MGAT4C: variants seen among roughly 807,000 people sequenced by gnomAD.
The protein encoded by MGAT4C is MGAT4 family member C, also known as alpha-1,3-mannosyl-glycoprotein 4-beta-N-acetylglucosaminyltransferase C.
In MGAT4C, 19 loss-of-function variants were observed where a neutral mutation model predicts 40.1. That is an observed-to-expected ratio of 0.47 (90% CI 0.33 to 0.70). The LOEUF (loss-of-function observed/expected upper bound fraction) is 0.70, where lower values mean the gene tolerates loss of function less well. Among genes scored for constraint, MGAT4C ranks in the 30% least tolerant of loss-of-function variants. The pLI is 0.02. For missense variants in MGAT4C, 491 were observed against 563.2 expected (o/e 0.87, Z 1.30); for synonymous variants, 181 against 187.1 (o/e 0.97, Z 0.27).
chr12:86,188,830 A>G (rs184065139), intron 1 of MGAT4C, among the ~76,000 whole-genome samples: 13 of 152,132 alleles, frequency 8.5e-5, no homozygotes, highest in Admixed American at 8.5e-4. Flanking sequence ...TAATAAAATT[A>G]CTTAATGAAT....
chr12:86,401,779 G>A (rs1339833999), intron 3 of MGAT4C, among the ~76,000 whole-genome samples: 1 of 151,980 alleles, frequency 6.6e-6, no homozygotes, highest in African/African-American at 2.4e-5. Flanking sequence ...AGTTTTACTA[G>A]TTTCAAATAT....
At chr12:86,001,581 T>A (rs755060619) in intron 2 of MGAT4C, 94 of 951,130 alleles carry the variant, frequency 9.9e-5, no homozygotes, top group Non-Finnish European at 1.1e-4. Context: ...AAATGATAAG[T>A]CTGTTGAAGC....
At chr12:86,166,883 C>T (rs1054555048) in intron 1 of MGAT4C, among the ~76,000 whole-genome samples, 3 of 152,010 alleles carry the variant, frequency 2.0e-5, no homozygotes, top group South Asian at 2.1e-4. Context: ...CATATTAACA[C>T]GATAAAGTAA....
chr12:86,172,706 A>G lies in MGAT4C; in HGVS notation c.-57+83533T>C, dbSNP rs73382803. ...GCTAAGGGTATAAATTAGAGTTTCA[A>G]CTCAGAGCAAAGAGACCACTTTACA... On this transcript the variant is annotated intron_variant, in intron 1 of 4. Transcript: ENST00000611864. 3.2e-3 allele frequency among the ~76,000 whole-genome samples: 493 copies of G among 152,182 alleles called. 2 individuals carry two copies. The highest frequency in any genetic ancestry group is 0.012 in the African/African-American group (480 of 41,556).
intron 1 of MGAT4C, among the ~76,000 whole-genome samples, chr12:86,240,031 AAAAAAAAT>A (rs1228046955): frequency 0.043 from 3,107 of 72,720 alleles, 40 homozygotes; most frequent in Admixed American, 0.13. Flanking sequence ...TATAATAAAA[AAAAAAAAT>A]AAAAAATAAA....
chr12:86,037,054 T>C (rs1891308229), intron 2 of MGAT4C, among the ~76,000 whole-genome samples: 1 of 150,244 alleles, frequency 6.7e-6, no homozygotes, highest in South Asian at 2.1e-4. Context: ...CCATTTCTTC[T>C]AGATTTTCTA....
In MGAT4C at chr12:85,959,062, C is replaced by CAAT. The variant is rs1194990617; in HGVS notation, c.*20224_*20226dup. 6.6e-6 allele frequency: 1 copy of CAAT among 151,800 alleles called. No homozygotes were observed. The allele number at this position is 151,800 out of a possible 1,614,324, so 9.4% of individuals were successfully genotyped here. A position where few individuals can be genotyped will look rare whatever the true frequency, so the allele number is the denominator to read the frequency against. The stretch of plus-strand genomic sequence containing the variant: ...CAATACAATACAATACAATACAATA[C>CAAT]AATACAATACAATACAATACAATAC... On this transcript the variant is annotated 3_prime_UTR_variant, in exon 5 of 5. Transcript: ENST00000611864.
chr12:86,118,082 C>A (rs1878728592), intron 1 of MGAT4C, among the ~76,000 whole-genome samples: 2 of 152,138 alleles, frequency 1.3e-5, no homozygotes, highest in Admixed American at 1.3e-4. Flanking sequence ...CTTCAAATAA[C>A]TAGAAGAAAA....
chr12:86,786,361 ATAG>A (rs1951931743), intron 1 of MGAT4C, among the ~76,000 whole-genome samples: 1 of 152,136 alleles, frequency 6.6e-6, no homozygotes, highest in Non-Finnish European at 1.5e-5. Flanking sequence ...AACAAAAGAA[ATAG>A]TAGAAATTGA....
intron 3 of MGAT4C, among the ~76,000 whole-genome samples, chr12:86,410,702 T>C (rs577178961): frequency 6.6e-6 from 1 of 152,286 alleles, no homozygotes; most frequent in East Asian, 1.9e-4. Context: ...TAAGAAATTA[T>C]GAGAGTATTA....
At chr12:86,149,798 A>G (rs1884039870) in intron 1 of MGAT4C, among the ~76,000 whole-genome samples, 1 of 152,228 alleles carries the variant, frequency 6.6e-6, no homozygotes. Context: ...TTCAAATACA[A>G]CATTATGAAG....
intron 1 of MGAT4C, among the ~76,000 whole-genome samples, chr12:86,741,269 T>C (rs1431715219): frequency 6.6e-6 from 1 of 151,304 alleles, no homozygotes; most frequent in East Asian, 1.9e-4. Flanking sequence ...AAAAACAATT[T>C]AAAATAAAGA....
intron 1 of MGAT4C, among the ~76,000 whole-genome samples, chr12:86,774,667 C>T (rs914314793): frequency 6.6e-6 from 1 of 151,976 alleles, no homozygotes; most frequent in Non-Finnish European, 1.5e-5. Context: ...TTCCAATTAG[C>T]TTTCCTTAAC....
chr12:86,684,338 A>G lies in MGAT4C; in HGVS notation c.-229+42871T>C, dbSNP rs563397249. ...AGAATGATGGTTTCCAGCTTCATCCATGTCCCTGCAAAAGACATAAACTCA... is the reference window on the plus strand; with the variant it reads ...AGAATGATGGTTTCCAGCTTCATCCGTGTCCCTGCAAAAGACATAAACTCA... On this transcript the variant is annotated intron_variant, in intron 2 of 7. Transcript: ENST00000548651. Among the ~76,000 whole-genome samples the G allele has an allele frequency of 2.1e-4, 32 of 152,302 alleles. No homozygotes were observed. In the East Asian group the frequency reaches 2.5e-3, roughly 12 times the overall value.
rs1252258394 is a variant in MGAT4C at position 85,971,821 on chromosome 12, CTGT to C, written c.*7465_*7467del. 1 of 151,116 alleles carries C rather than the reference CTGT, an allele frequency of 6.6e-6. No homozygotes were observed. Among genetic ancestry groups the C allele is most frequent in the Non-Finnish European group, 1.5e-5 (1 of 67,286 alleles). 9.4% of individuals were successfully genotyped at this position (151,116 alleles called of 1,614,324 possible). A position where few individuals can be genotyped will look rare whatever the true frequency, so the allele number is the denominator to read the frequency against. The stretch of plus-strand genomic sequence containing the variant: ...TTACCTCATGTTTGTAACATTTCCC[CTGT>C]TGTTATTTTTACACATCTGGATGCT... On this transcript the variant is annotated 3_prime_UTR_variant, in exon 5 of 5. Coordinates refer to ENST00000611864, the MANE Select transcript of MGAT4C (RefSeq NM_001351288.2).
chr12:86,045,782 T>A (rs1358481275), intron 2 of MGAT4C, among the ~76,000 whole-genome samples: 4 of 152,246 alleles, frequency 2.6e-5, no homozygotes, highest in Non-Finnish European at 4.4e-5. Context: ...AGCATATTCA[T>A]AACATGCTTG....
At chr12:86,215,939 T>C (rs1032734872) in intron 1 of MGAT4C, among the ~76,000 whole-genome samples, 3 of 152,138 alleles carry the variant, frequency 2.0e-5, no homozygotes, top group African/African-American at 7.2e-5. Flanking sequence ...TTCTTCAAAT[T>C]TATTTGAGCA....
intron 1 of MGAT4C, among the ~76,000 whole-genome samples, chr12:86,831,826 A>G (rs761086225): frequency 1.3e-4 from 19 of 151,818 alleles, no homozygotes; most frequent in Non-Finnish European, 2.4e-4. Flanking sequence ...TAAAACCTGG[A>G]ATTATTAAGC....
rs192010661 is a variant in MGAT4C at position 86,175,734 on chromosome 12, G to A, written c.-57+80505C>T. On this transcript the variant is annotated intron_variant, in intron 1 of 4. Coordinates refer to ENST00000611864, the MANE Select transcript of MGAT4C (RefSeq NM_001351288.2). ...TGGGAGGCCGAGGCGGGCGGATCAC[G>A]AGGTTAGGAGATTGAGACCATCCTG... Among the ~76,000 whole-genome samples, 215 of 142,242 alleles carry A rather than the reference G, an allele frequency of 1.5e-3. 2 individuals carry two copies. The highest frequency in any genetic ancestry group is 4.2e-3 in the Admixed American group (55 of 13,136). The allele number at this position is 142,242 out of a possible 152,430, so 93.3% of individuals were successfully genotyped here.
Sources: gnomAD v4.1 joint callset for allele counts (sites outside exome capture counted in the v4.1 genomes callset) on GRCh38, gnomAD v4.1.1 for gene constraint, MANE v1.5 for transcripts, NCBI Gene and HGNC (gene_info 2026-07-23, HGNC 2026-07-21) for gene names.